DPCD: variants seen among roughly 807,000 people sequenced by gnomAD.
DPCD encodes protein DPCD.
In DPCD, 20 loss-of-function variants were observed where a neutral mutation model predicts 26.4. The observed-to-expected ratio is 0.76, with a 90% CI of 0.53 to 1.10. The LOEUF is 1.10. Among genes scored for constraint, DPCD ranks in the 50% least tolerant of loss-of-function variants. The pLI is 0.00. For synonymous variants in DPCD, 97 were observed against 94.2 expected, an observed-to-expected ratio of 1.03 and a Z score of -0.17; for missense variants, 202 against 253.9, an observed-to-expected ratio of 0.80 and a Z score of 1.39.
chr10:101,606,780 A>G (rs1002091802), intron 4 of DPCD, among the ~76,000 whole-genome samples: 4 of 152,178 alleles, frequency 2.6e-5, no homozygotes, highest in Middle Eastern at 3.2e-3. Context: ...GAGAAAGTCA[A>G]GTACAGTACC....
chr10:101,594,655 T>C lies in DPCD; in HGVS notation c.65-3T>C, dbSNP rs773425066. 3 of 1,613,824 alleles carry C rather than the reference T, an allele frequency of 1.9e-6. No individual in the cohort carries two copies. The highest frequency in any genetic ancestry group is 2.5e-6 in the Non-Finnish European group (3 of 1,179,882). On this transcript the variant is annotated splice_region_variant and splice_polypyrimidine_tract_variant and intron_variant, in intron 1 of 5. Coordinates refer to ENST00000370151, the MANE Select transcript of DPCD (RefSeq NM_015448.3). ...GGTAAGGCATTCTCTGTTTTGTGCA[T>C]AGGGAGAAGGAAGGTTCACTATTTA... is the stretch of plus-strand genomic sequence containing the variant.
intron 4 of DPCD, among the ~76,000 whole-genome samples, chr10:101,602,115 G>A (rs1179057386): frequency 1.3e-5 from 2 of 152,240 alleles, no homozygotes; most frequent in African/African-American, 4.8e-5. Context: ...CTGGGCTAGA[G>A]AGAATACAGT....
chr10:101,607,660 G>T (rs2063742549), intron 4 of DPCD, among the ~76,000 whole-genome samples: 1 of 152,140 alleles, frequency 6.6e-6, no homozygotes, highest in African/African-American at 2.4e-5. Context: ...CAGGGTAGCT[G>T]TCACCACAAG....
At chr10:101,605,016 G>C (rs1341303456) in intron 4 of DPCD, 2 of 1,378,998 alleles carry the variant, frequency 1.5e-6, no homozygotes, top group African/African-American at 1.5e-5. Context: ...TCTTTGGTGG[G>C]GCCGAGAGCC....
chr10:101,588,332 G>A lies in DPCD; in HGVS notation c.-5G>A. On this transcript the variant is annotated 5_prime_UTR_variant, in exon 1 of 6. Transcript: ENST00000370151. ...CGGCTGGGCGTGCTGCTTAGCAGGGGAAAGATGGCGGTGACGGGCTGGTTG... is the reference window on the plus strand; with the variant it reads ...CGGCTGGGCGTGCTGCTTAGCAGGGAAAAGATGGCGGTGACGGGCTGGTTG... The A allele has an allele frequency of 6.2e-7, 1 of 1,600,544 alleles. No individual in the cohort carries two copies. Among genetic ancestry groups the A allele is most frequent in the Non-Finnish European group, 8.5e-7 (1 of 1,172,274 alleles).
chr10:101,588,685 A>C, intron 1 of DPCD: 1 of 1,198,978 alleles, frequency 8.3e-7, no homozygotes, highest in South Asian at 2.3e-5. Flanking sequence ...GCTCCTCACC[A>C]CTGTCCTGAG....
At chr10:101,608,770 GGCCTGAC>G (rs1447733418) in intron 4 of DPCD, 58 bp from the exon 5 acceptor site, 1 of 1,063,140 alleles carries the variant, frequency 9.4e-7, no homozygotes, top group Non-Finnish European at 1.5e-6. Flanking sequence ...GGCAGCAGAG[GGCCTGAC>G]GCCTGGCTGT....
chr10:101,597,046 G>T (rs541352457), intron 2 of DPCD, among the ~76,000 whole-genome samples: 47 of 152,210 alleles, frequency 3.1e-4, no homozygotes, highest in African/African-American at 1.0e-3. Context: ...AATGATTGCT[G>T]CATGTATTCA....
chr10:101,594,569 TG>T, intron 1 of DPCD, 88 bp from the exon 2 acceptor site: 2 of 1,344,520 alleles, frequency 1.5e-6, no homozygotes. Context: ...CTCCCAAGGC[TG>T]GCACTGTTTC....
At chr10:101,605,347 A>G in intron 4 of DPCD, 3 of 1,335,758 alleles carry the variant, frequency 2.2e-6, no homozygotes, top group South Asian at 1.5e-5. Context: ...GAGGGGATAC[A>G]GTAGAGAGTG....
At chr10:101,606,204 C>T (rs1395347723) in intron 4 of DPCD, among the ~76,000 whole-genome samples, 1 of 152,202 alleles carries the variant, frequency 6.6e-6, no homozygotes, top group Non-Finnish European at 1.5e-5. Context: ...CTCTGTTGCC[C>T]AGGCTGGAGT....
intron 2 of DPCD, among the ~76,000 whole-genome samples, chr10:101,597,273 C>T (rs2063660229): frequency 6.6e-6 from 1 of 152,262 alleles, no homozygotes; most frequent in East Asian, 1.9e-4. Context: ...CCAAGCACTT[C>T]ACTGGCTTTA....
At chr10:101,595,989 G>A (rs754688857) in intron 2 of DPCD, among the ~76,000 whole-genome samples, 1 of 152,134 alleles carries the variant, frequency 6.6e-6, no homozygotes, top group South Asian at 2.1e-4. Context: ...AGCCCCCCGT[G>A]CCACTTCTCT....
chr10:101,605,329 G>A (rs2063726717), intron 4 of DPCD: 1 of 1,435,194 alleles, frequency 7.0e-7, no homozygotes, highest in Admixed American at 2.3e-5. Flanking sequence ...TTGAAAGGCT[G>A]GATTGGGGAG....
intron 1 of DPCD, among the ~76,000 whole-genome samples, chr10:101,593,222 C>T (rs61874046): frequency 1.3e-5 from 2 of 152,260 alleles, no homozygotes; most frequent in South Asian, 2.1e-4. Flanking sequence ...GGATCCCGCT[C>T]CTGACAGGAG....
intron 3 of DPCD, 74 bp from the exon 4 acceptor site, chr10:101,601,129 G>C (rs369652740): frequency 6.3e-7 from 1 of 1,594,444 alleles, no homozygotes; most frequent in Non-Finnish European, 8.5e-7. Flanking sequence ...GTTGTGCCCC[G>C]GGGTAGCGCT....
chr10:101,596,860 T>C (rs1219146809), intron 2 of DPCD, among the ~76,000 whole-genome samples: 1 of 152,200 alleles, frequency 6.6e-6, no homozygotes, highest in East Asian at 1.9e-4. Flanking sequence ...AGTATACAAA[T>C]TTGATAATTA....
Position 101,600,416 on chromosome 10 carries a change from T to C in DPCD, c.146-322T>C, listed in dbSNP as rs902726359. ...AACCCTTTTCCTAATCTTCACATCT[T>C]CTCCTTGCTTGAAGCCACACCTGAG... is the stretch of plus-strand genomic sequence containing the variant. On this transcript the variant is annotated intron_variant, in intron 2 of 5. Transcript: ENST00000370151. The surrounding 1 kb of genome is among the most constrained non-coding windows in gnomAD (Gnocchi z 4.7). Among the ~76,000 whole-genome samples the C allele has an allele frequency of 6.6e-6, 1 of 152,170 alleles. No homozygotes were observed. The highest frequency in any genetic ancestry group is 2.4e-5 in the African/African-American group (1 of 41,434).
intron 1 of DPCD, among the ~76,000 whole-genome samples, chr10:101,592,958 G>A (rs1398915167): frequency 1.3e-5 from 2 of 149,528 alleles, no homozygotes; most frequent in Non-Finnish European, 3.0e-5. Context: ...AGGTTGCAGT[G>A]AGCCGAGATC....
Sources: allele counts gnomAD v4.1 joint callset (sites outside exome capture counted in the v4.1 genomes callset), GRCh38; gene constraint gnomAD v4.1.1; non-coding constraint Gnocchi (gnomAD v3.1); transcripts MANE v1.5; gene names NCBI Gene and HGNC (gene_info 2026-07-23, HGNC 2026-07-21).